ATP13A3: variants seen among roughly 807,000 people sequenced by gnomAD.
The protein encoded by ATP13A3 is polyamine-transporting ATPase 13A3.
A neutral mutation model predicts 158.1 loss-of-function variants in ATP13A3; 59 were observed. That is an observed-to-expected ratio of 0.37 (90% CI 0.30 to 0.46). ATP13A3 has a LOEUF of 0.46. Among genes scored for constraint, ATP13A3 ranks in the 20% least tolerant of loss-of-function variants. The probability of loss-of-function intolerance (pLI) is 1.00; values close to 1 mark genes in which losing one functional copy is unlikely to be tolerated. For synonymous variants in ATP13A3, 491 were observed against 504.3 expected, an observed-to-expected ratio of 0.97 and a Z score of 0.35; for missense variants, 1,166 against 1,525.2, an observed-to-expected ratio of 0.76 and a Z score of 3.92.
intron 2 of ATP13A3, among the ~76,000 whole-genome samples, chr3:194,467,091 T>C (rs942143291): frequency 6.6e-6 from 1 of 152,226 alleles, no homozygotes; most frequent in Non-Finnish European, 1.5e-5. Flanking sequence ...ACCTACAGAC[T>C]TCCCACTCCT....
chr3:194,493,645 A>G (rs963070539), intron 2 of ATP13A3, among the ~76,000 whole-genome samples: 1 of 151,948 alleles, frequency 6.6e-6, no homozygotes, highest in Non-Finnish European at 1.5e-5. Flanking sequence ...CTCAAAAAAC[A>G]AAACAAAAAG....
chr3:194,443,692 A>C (rs1718200126), intron 15 of ATP13A3, among the ~76,000 whole-genome samples: 1 of 152,208 alleles, frequency 6.6e-6, no homozygotes, highest in Non-Finnish European at 1.5e-5. Context: ...AGCTATATAC[A>C]CCAAAATTTA....
At chr3:194,492,424 G>A (rs1385508920) in intron 2 of ATP13A3, among the ~76,000 whole-genome samples, 1 of 151,112 alleles carries the variant, frequency 6.6e-6, no homozygotes, top group Non-Finnish European at 1.5e-5. Context: ...AAAGGGTATA[G>A]TATTTGCATA....
intron 30 of ATP13A3, among the ~76,000 whole-genome samples, chr3:194,423,422 GACAA>G (rs776770107): frequency 3.9e-5 from 6 of 152,222 alleles, no homozygotes; most frequent in Non-Finnish European, 7.3e-5. Flanking sequence ...GGACTCCAGT[GACAA>G]ACAGACAAGA....
chr3:194,458,576 C>T (rs375156171), intron 6 of ATP13A3, among the ~76,000 whole-genome samples: 2 of 151,816 alleles, frequency 1.3e-5, no homozygotes, highest in East Asian at 1.9e-4. Flanking sequence ...TTAGTAGGGA[C>T]GGGGTTTCAC....
rs2109099527 is a variant in ATP13A3 at position 194,494,330 on chromosome 3, A to G, written n.516-50T>C. 2.5e-6 allele frequency: 1 copy of G among 398,322 alleles called. No homozygotes were observed. Among genetic ancestry groups the G allele is most frequent in the Middle Eastern group, 6.3e-4 (1 of 1,588 alleles). 24.7% of individuals were successfully genotyped at this position (398,322 alleles called of 1,614,324 possible). A position where few individuals can be genotyped will look rare whatever the true frequency, so the allele number is the denominator to read the frequency against. On this transcript the variant is annotated intron_variant and non_coding_transcript_variant, in intron 1 of 32. Transcript: ENST00000687055. This position sits in a 1 kb window ranked among gnomAD's most constrained non-coding sequence, Gnocchi z 4.2. ...CATTGATTTTCACAACCACGATGTC[A>G]GACTAGCAATGGAATTGTTTTGATT...
At chr3:194,479,978 T>C (rs963677059) in intron 2 of ATP13A3, among the ~76,000 whole-genome samples, 2 of 152,150 alleles carry the variant, frequency 1.3e-5, no homozygotes, top group Admixed American at 6.5e-5. Context: ...TACAAAATCA[T>C]AGATTGTTTT....
intron 31 of ATP13A3, among the ~76,000 whole-genome samples, chr3:194,414,760 T>C (rs888084383): frequency 5.9e-5 from 9 of 152,116 alleles, no homozygotes; most frequent in African/African-American, 2.2e-4. Flanking sequence ...TAAATAGTGG[T>C]ACCAAGAAAC....
intron 2 of ATP13A3, among the ~76,000 whole-genome samples, chr3:194,485,538 G>T (rs149672409): frequency 6.6e-6 from 1 of 152,240 alleles, no homozygotes; most frequent in Non-Finnish European, 1.5e-5. Flanking sequence ...CTTTTTAAAG[G>T]CTTTATTTTG....
Position 194,405,957 on chromosome 3 carries a change from T to C in ATP13A3, c.3733A>G (p.Lys1245Glu). 6.2e-7 allele frequency: 1 copy of C among 1,614,158 alleles called. No individual in the cohort carries two copies. The highest frequency in any genetic ancestry group is 8.5e-7 in the Non-Finnish European group (1 of 1,180,024). Residue 1245 changes from lysine to glutamate, a missense_variant, in exon 34 of 34, where the codon AAG (lysine) becomes GAG (glutamate). Physicochemically the swap from Lys to Glu is moderately conservative, Grantham distance 56. Coordinates refer to ENST00000645319, the MANE Select transcript of ATP13A3 (RefSeq NM_001367549.1). ...ATGATTTGACATGATCCATTCTCCTTAACTAAAGCTTTAGCTTCTGTGGTT... is the reference window on the plus strand; with the variant it reads ...ATGATTTGACATGATCCATTCTCCTCAACTAAAGCTTTAGCTTCTGTGGTT... ...QTTTEAKALVKENGSCQIITI... is the reference protein window; with the variant it reads ...QTTTEAKALVEENGSCQIITI...
chr3:194,437,599 A>C (rs1364079573), intron 17 of ATP13A3, 26 bp from the exon 18 acceptor site: 1 of 1,582,718 alleles, frequency 6.3e-7, no homozygotes, highest in East Asian at 2.3e-5. Flanking sequence ...AACAAGAAAA[A>C]ATAGTACAGA....
At chr3:194,459,748 T>C (rs773777924) in intron 5 of ATP13A3, 41 bp downstream of exon 5, 9 of 1,561,346 alleles carry the variant, frequency 5.8e-6, no homozygotes, top group Non-Finnish European at 5.2e-6. Context: ...AATGTAACAA[T>C]TCTGATTTTT....
intron 10 of ATP13A3, chr3:194,450,495 A>G (rs1394522402): frequency 4.1e-6 from 2 of 491,600 alleles, no homozygotes; most frequent in Non-Finnish European, 7.4e-6. Context: ...CCAGCTGTGC[A>G]CCGGTGATGC....
chr3:194,413,558 T>C (rs1715593976), intron 32 of ATP13A3, among the ~76,000 whole-genome samples: 1 of 152,228 alleles, frequency 6.6e-6, no homozygotes. Context: ...TCTGTGTGAG[T>C]GCAACTAAGT....
Position 194,430,113 on chromosome 3 carries a change from G to T in ATP13A3, c.2736C>A (p.Thr912=). Residue 912 remains threonine, a synonymous_variant, in exon 26 of 34, where the codon ACC becomes ACA. Coordinates refer to ENST00000645319, the MANE Select transcript of ATP13A3 (RefSeq NM_001367549.1). ...CACAGGAAATACTAGGAGTCTTAGAGGTAAAGGGAGATGCCACTGAAGCTT... is the reference window on the plus strand; with the variant it reads ...CACAGGAAATACTAGGAGTCTTAGATGTAAAGGGAGATGCCACTGAAGCTT... ...ELEASVASPF[T]SKTPSISCVP... 1 of 1,614,148 alleles carries T rather than the reference G, an allele frequency of 6.2e-7. No homozygotes were observed. Among genetic ancestry groups the T allele is most frequent in the Non-Finnish European group, 8.5e-7 (1 of 1,180,020 alleles).
intron 32 of ATP13A3, 71 bp downstream of exon 32, chr3:194,413,688 T>C: frequency 7.6e-7 from 1 of 1,320,332 alleles, no homozygotes; most frequent in East Asian, 2.3e-5. Flanking sequence ...TGCCCTCTTC[T>C]CCCATTTACC....
chr3:194,446,213 C>CT (rs1054172237), intron 14 of ATP13A3, among the ~76,000 whole-genome samples: 10 of 152,108 alleles, frequency 6.6e-5, no homozygotes, highest in Non-Finnish European at 4.4e-5. Flanking sequence ...TTTTGTCCGT[C>CT]TTTTTTTATA....
In ATP13A3 at chr3:194,440,934, A is replaced by G. The variant is rs1438655285; in HGVS notation, c.1710+377T>C. ...TGGACACAGTAAACAAAAGACAGGT[A>G]AAAAAGAGCAATGAAGACAAACGAC... On this transcript the variant is annotated intron_variant, in intron 16 of 33. Transcript: ENST00000645319. 1.3e-5 allele frequency among the ~76,000 whole-genome samples: 2 copies of G among 152,228 alleles called. 1 individual carries two copies. The highest frequency in any genetic ancestry group is 2.9e-5 in the Non-Finnish European group (2 of 68,030).
chr3:194,455,257 A>T (rs1719142548), intron 8 of ATP13A3, among the ~76,000 whole-genome samples: 1 of 152,108 alleles, frequency 6.6e-6, no homozygotes, highest in African/African-American at 2.4e-5. Context: ...TTGGCAATGA[A>T]CTTCACCCAC....
Sources: gnomAD v4.1 joint callset for allele counts (sites outside exome capture counted in the v4.1 genomes callset) on GRCh38, gnomAD v4.1.1 for gene constraint, Gnocchi (gnomAD v3.1) non-coding constraint, MANE v1.5 for transcripts, NCBI Gene and HGNC (gene_info 2026-07-23, HGNC 2026-07-21) for gene names.